The following CFAP100 variants were observed in gnomAD, a reference collection of about 807,000 sequenced individuals.
CFAP100 encodes the protein cilia- and flagella-associated protein 100.
A neutral mutation model predicts 81.5 loss-of-function variants in CFAP100; 70 were observed. That is an observed-to-expected ratio of 0.86 (90% CI 0.71 to 1.05). The LOEUF (loss-of-function observed/expected upper bound fraction) is 1.05. Ranked by LOEUF, CFAP100 falls within the 50% of genes least tolerant of loss-of-function variation. The pLI, the probability that CFAP100 is intolerant of heterozygous loss-of-function variation, is 0.00. For missense variants in CFAP100, 811 were observed against 776.5 expected (o/e 1.04, Z -0.53); for synonymous variants, 341 against 314.8 (o/e 1.08, Z -0.88).
At position 126,407,210 on chromosome 3, in the gene CFAP100, A is replaced by G; in HGVS notation, c.88A>G (p.Ser30Gly). Residue 30 changes from serine to glycine, a missense_variant, in exon 3 of 17, where the codon AGC becomes GGC. Ser to Gly is a moderately conservative substitution (Grantham distance 56, BLOSUM62 0). Coordinates refer to ENST00000352312, the MANE Select transcript of CFAP100 (RefSeq NM_182628.3). ...LESMNISSSS[S>G]TEENPKKQAR... ...ATCCATGAACATCAGCTCTTCTTCA[A>G]GCACTGAAGAGAACCCAAAGAAACA... 1 of 1,613,984 alleles carries G rather than the reference A, an allele frequency of 6.2e-7. No individual in the cohort carries two copies. Among genetic ancestry groups the G allele is most frequent in the Non-Finnish European group, 8.5e-7 (1 of 1,179,906 alleles).
Position 126,416,669 on chromosome 3 carries a change from G to A in CFAP100, c.418+161G>A, listed in dbSNP as rs1008585450. The A allele has an allele frequency of 8.4e-6, 5 of 594,538 alleles. No individual in the cohort carries two copies. The African/African-American group carries it at 9.6e-5, about 11-fold the overall frequency. 36.8% of individuals were successfully genotyped at this position (594,538 alleles called of 1,614,324 possible). On this transcript the variant is annotated intron_variant, in intron 5 of 16. Transcript: ENST00000352312. ...CCCTTTCTGTGTTTGGCCTCTCCAG[G>A]GGGGTCCCAAAGCTCTATTCCAGGA...
At chr3:126,429,622 G>GTT (rs56249367) in intron 13 of CFAP100, among the ~76,000 whole-genome samples, 13,959 of 145,570 alleles carry the variant, frequency 0.096, 810 homozygotes, top group African/African-American at 0.14. Flanking sequence ...TCTACTGTAG[G>GTT]TTTTTTTTTT....
chr3:126,423,973 C>T (rs1480405730), intron 13 of CFAP100, among the ~76,000 whole-genome samples: 1 of 152,242 alleles, frequency 6.6e-6, no homozygotes, highest in Non-Finnish European at 1.5e-5. Context: ...TGGAGGTCCA[C>T]AGCGACCCTG....
At chr3:126,397,488 A>G (rs967012251) in intron 2 of CFAP100, among the ~76,000 whole-genome samples, 1 of 152,258 alleles carries the variant, frequency 6.6e-6, no homozygotes, top group Non-Finnish European at 1.5e-5. Context: ...ATGCTACCAC[A>G]AGACAGTTGA....
intron 3 of CFAP100, among the ~76,000 whole-genome samples, chr3:126,411,863 G>A (rs2083162029): frequency 6.6e-6 from 1 of 151,966 alleles, no homozygotes; most frequent in Non-Finnish European, 1.5e-5. Context: ...CCAGGTTTTT[G>A]TTTCATTTAT....
intron 2 of CFAP100, among the ~76,000 whole-genome samples, chr3:126,402,658 G>C (rs1163853658): frequency 6.6e-6 from 1 of 152,022 alleles, no homozygotes; most frequent in Non-Finnish European, 1.5e-5. Flanking sequence ...TGTGCTCTGG[G>C]CAAGTCATTT....
chr3:126,408,464 C>T (rs1372448951), intron 3 of CFAP100, among the ~76,000 whole-genome samples: 1 of 152,198 alleles, frequency 6.6e-6, no homozygotes. Flanking sequence ...CATCCCATCA[C>T]TCTCTGGCCT....
chr3:126,416,618 C>T (rs1050166243), intron 5 of CFAP100, 110 bp downstream of exon 5: 1 of 941,244 alleles, frequency 1.1e-6, no homozygotes, highest in South Asian at 1.8e-5. Context: ...ATGGGAAGTG[C>T]TTTTCAAGTG....
At chr3:126,412,479 C>T (rs1277998911) in intron 3 of CFAP100, among the ~76,000 whole-genome samples, 3 of 152,138 alleles carry the variant, frequency 2.0e-5, no homozygotes, top group Admixed American at 2.0e-4. Context: ...TGGGGGGTTC[C>T]CTTCTATTCC....
In CFAP100 at chr3:126,433,110, T is replaced by A; in HGVS notation, c.1328T>A (p.Met443Lys). The A allele has an allele frequency of 6.2e-7, 1 of 1,614,134 alleles. No individual in the cohort carries two copies. Among genetic ancestry groups the A allele is most frequent in the South Asian group, 1.1e-5 (1 of 91,088 alleles). ...VNQLKQWVTTMMMSITKEEDT... is the reference protein window; with the variant it reads ...VNQLKQWVTTKMMSITKEEDT... ...CAGCTGAAGCAGTGGGTCACCACAA[T>A]GATGATGTCCATCACCAAGGAGGAG... The change falls in exon 14 of 17, where the codon ATG becomes AAG. Residue 443 changes from methionine (M) to lysine (K), a missense_variant. By Grantham distance (95) the Met-to-Lys change is moderately conservative (BLOSUM62 -1). Coordinates refer to ENST00000352312, the MANE Select transcript of CFAP100 (RefSeq NM_182628.3).
chr3:126,409,184 G>A (rs1199623629), intron 3 of CFAP100, among the ~76,000 whole-genome samples: 1 of 152,136 alleles, frequency 6.6e-6, no homozygotes, highest in Non-Finnish European at 1.5e-5. Flanking sequence ...CCGTCCCCCA[G>A]AGACAGGCAC....
At chr3:126,415,801 C>T (rs1386112411) in intron 4 of CFAP100, among the ~76,000 whole-genome samples, 1 of 152,116 alleles carries the variant, frequency 6.6e-6, no homozygotes, top group East Asian at 1.9e-4. Context: ...CCTGCTCCTC[C>T]GAAAGTTTTC....
At chr3:126,411,198 G>T (rs921587454) in intron 3 of CFAP100, among the ~76,000 whole-genome samples, 1 of 152,132 alleles carries the variant, frequency 6.6e-6, no homozygotes, top group African/African-American at 2.4e-5. Context: ...GTATTGACTT[G>T]TGTATGCTGA....
chr3:126,406,431 C>G (rs1049649221), intron 2 of CFAP100, among the ~76,000 whole-genome samples: 1 of 152,222 alleles, frequency 6.6e-6, no homozygotes, highest in African/African-American at 2.4e-5. Context: ...AGACCACGTT[C>G]TGGCAGCCCC....
At chr3:126,395,793 G>T in intron 1 of CFAP100, 149 bp from the exon 2 acceptor site, 1 of 593,402 alleles carries the variant, frequency 1.7e-6, no homozygotes. Flanking sequence ...CAGGAGGTGA[G>T]AGTGGACCCT....
intron 4 of CFAP100, 71 bp downstream of exon 4, chr3:126,414,250 A>G: frequency 9.2e-7 from 1 of 1,082,902 alleles, no homozygotes; most frequent in Non-Finnish European, 1.4e-6. Context: ...GAGTGGCCAC[A>G]TTGCCCTTCT....
chr3:126,424,006 T>C (rs972131923), intron 13 of CFAP100, among the ~76,000 whole-genome samples: 2 of 152,208 alleles, frequency 1.3e-5, no homozygotes, highest in African/African-American at 4.8e-5. Flanking sequence ...ATAGCAGCAC[T>C]AACATGCTTC....
chr3:126,432,873 G>T, intron 13 of CFAP100, 196 bp from the exon 14 acceptor site: 3 of 472,790 alleles, frequency 6.3e-6, no homozygotes, highest in South Asian at 5.2e-5. Flanking sequence ...AATGTTGATT[G>T]TTAAATATTT....
intron 3 of CFAP100, among the ~76,000 whole-genome samples, chr3:126,411,553 T>C (rs920100118): frequency 1.1e-4 from 16 of 151,972 alleles, no homozygotes; most frequent in African/African-American, 3.6e-4. Context: ...GGGCTTTTTT[T>C]TTGTTGGCAA....
Sources: allele counts gnomAD v4.1 joint callset (sites outside exome capture counted in the v4.1 genomes callset), GRCh38; gene constraint gnomAD v4.1.1; transcripts MANE v1.5; gene names NCBI Gene and HGNC (gene_info 2026-07-23, HGNC 2026-07-21).